The following B3GALT1 variants were observed in gnomAD, a reference collection of about 807,000 sequenced individuals.
The protein encoded by B3GALT1 is beta-1,3-galactosyltransferase 1, also known as UDP-Gal:betaGlcNAc beta 1,3-galactosyltransferase, polypeptide 1.
A neutral mutation model predicts 23.2 loss-of-function variants in B3GALT1; 10 were observed. The ratio of observed to expected loss-of-function variants is 0.43; its 90% CI spans 0.27 to 0.73. The LOEUF (loss-of-function observed/expected upper bound fraction) is 0.73. Ranked by LOEUF, B3GALT1 falls within the 30% of genes least tolerant of loss-of-function variation. B3GALT1 has a pLI of 0.21. For synonymous variants in B3GALT1, 156 were observed against 141.5 expected (o/e 1.10, Z -0.73); for missense variants, 299 against 405.4 (o/e 0.74, Z 2.25).
chr2:167,364,453 G>T (rs1376132140), intron 1 of B3GALT1, among the ~76,000 whole-genome samples: 2 of 151,494 alleles, frequency 1.3e-5, no homozygotes, highest in Admixed American at 1.3e-4. Context: ...CCATTAACTT[G>T]TCATAGGTAT....
chr2:167,440,388 A>T (rs1317220501), intron 1 of B3GALT1, among the ~76,000 whole-genome samples: 1 of 151,780 alleles, frequency 6.6e-6, no homozygotes, highest in Admixed American at 6.6e-5. Context: ...ATGTTCATAA[A>T]CCCTAACATT....
chr2:167,550,075 C>T (rs1472964622), intron 2 of B3GALT1, among the ~76,000 whole-genome samples: 1 of 152,168 alleles, frequency 6.6e-6, no homozygotes, highest in East Asian at 1.9e-4. Context: ...ATGTACTTAG[C>T]TTATCACTAA....
intron 3 of B3GALT1, among the ~76,000 whole-genome samples, chr2:167,670,719 C>T (rs912838152): frequency 2.0e-5 from 3 of 151,770 alleles, no homozygotes; most frequent in African/African-American, 7.3e-5. Context: ...GAAAAAGAAC[C>T]AAACAGAAAT....
chr2:167,457,516 A>G (rs946552237), intron 1 of B3GALT1, among the ~76,000 whole-genome samples: 1 of 151,774 alleles, frequency 6.6e-6, no homozygotes, highest in Non-Finnish European at 1.5e-5. Flanking sequence ...TCCTTGTTTT[A>G]TATTTACAAG....
chr2:167,731,603 CT>C (rs1166523652), intron 3 of B3GALT1, among the ~76,000 whole-genome samples: 1 of 152,184 alleles, frequency 6.6e-6, no homozygotes, highest in East Asian at 1.9e-4. Context: ...ATATCTTTTT[CT>C]TCAAAATGCT....
At chr2:167,395,488 A>G (rs1293059871) in intron 1 of B3GALT1, among the ~76,000 whole-genome samples, 1 of 152,128 alleles carries the variant, frequency 6.6e-6, no homozygotes, top group Non-Finnish European at 1.5e-5. Flanking sequence ...TGGAAAAGGC[A>G]AGGAAACTGA....
Position 167,871,241 on chromosome 2 carries a change from T to TA in B3GALT1, c.*1227dup, listed in dbSNP as rs1353792822. 6.6e-6 allele frequency: 1 copy of TA among 152,148 alleles called. No homozygotes were observed. The highest frequency in any genetic ancestry group is 1.5e-5 in the Non-Finnish European group (1 of 68,028). 9.4% of individuals were successfully genotyped at this position (152,148 alleles called of 1,614,324 possible). On this transcript the variant is annotated 3_prime_UTR_variant, in exon 5 of 5. Transcript: ENST00000392690. ...ATGTGTTCATTTATAAAAATGGCTG[T>TA]AAAAAACACCTACCTCACAGGTGCT...
chr2:167,543,052 GT>G (rs1449561631), intron 2 of B3GALT1, among the ~76,000 whole-genome samples: 1 of 151,896 alleles, frequency 6.6e-6, no homozygotes, highest in East Asian at 1.9e-4. Flanking sequence ...TGATTTATAG[GT>G]TTTTGTTTAG....
intron 3 of B3GALT1, chr2:167,715,902 A>T (rs1424532502): frequency 6.2e-7 from 1 of 1,613,516 alleles, no homozygotes; most frequent in East Asian, 2.2e-5. Context: ...AAAAAGGAGA[A>T]CAACAAAAAA....
At chr2:167,684,202 A>G (rs1686580333) in intron 3 of B3GALT1, among the ~76,000 whole-genome samples, 1 of 152,194 alleles carries the variant, frequency 6.6e-6, no homozygotes, top group Admixed American at 6.5e-5. Context: ...CAGTATCTAG[A>G]AAAGAGCCTC....
intron 1 of B3GALT1, among the ~76,000 whole-genome samples, chr2:167,334,752 A>G (rs539230790): frequency 6.6e-6 from 1 of 152,180 alleles, no homozygotes; most frequent in African/African-American, 2.4e-5. Flanking sequence ...GAACACAGAG[A>G]TGTTTTAACA....
At chr2:167,608,177 C>T (rs1684998772) in intron 2 of B3GALT1, among the ~76,000 whole-genome samples, 1 of 151,998 alleles carries the variant, frequency 6.6e-6, no homozygotes. Context: ...GTACCTGAGA[C>T]AAAAGAAAGA....
At chr2:167,406,294 A>G (rs1434523970) in intron 1 of B3GALT1, among the ~76,000 whole-genome samples, 1 of 152,194 alleles carries the variant, frequency 6.6e-6, no homozygotes, top group Non-Finnish European at 1.5e-5. Flanking sequence ...TGGTTCCAAA[A>G]TGGCAGTATA....
intron 3 of B3GALT1, among the ~76,000 whole-genome samples, chr2:167,701,506 G>C (rs1449147231): frequency 6.6e-6 from 1 of 152,152 alleles, no homozygotes; most frequent in East Asian, 1.9e-4. Flanking sequence ...TACTCTCTAA[G>C]TGCATCAGCA....
At chr2:167,306,399 A>G (rs1400309420) in intron 1 of B3GALT1, among the ~76,000 whole-genome samples, 2 of 152,070 alleles carry the variant, frequency 1.3e-5, no homozygotes, top group Non-Finnish European at 2.9e-5. Flanking sequence ...AATTATAAAT[A>G]TGTTGTAAAA....
chr2:167,468,728 C>T (rs1161303094), intron 1 of B3GALT1, among the ~76,000 whole-genome samples: 3 of 152,058 alleles, frequency 2.0e-5, no homozygotes, highest in Non-Finnish European at 4.4e-5. Flanking sequence ...AAAAATTAGC[C>T]GGGCATTGTG....
intron 1 of B3GALT1, among the ~76,000 whole-genome samples, chr2:167,326,846 C>T (rs1050087333): frequency 6.6e-6 from 1 of 152,012 alleles, no homozygotes; most frequent in African/African-American, 2.4e-5. Flanking sequence ...TTCACCACAA[C>T]ACCCGGCTAA....
intron 2 of B3GALT1, among the ~76,000 whole-genome samples, chr2:167,637,466 TC>T (rs1685576567): frequency 6.6e-6 from 1 of 152,012 alleles, no homozygotes; most frequent in South Asian, 2.1e-4. Flanking sequence ...ATTTGCAGTA[TC>T]CATCACCCTC....
At chr2:167,669,154 T>G (rs12623775) in intron 3 of B3GALT1, among the ~76,000 whole-genome samples, 5 of 152,218 alleles carry the variant, frequency 3.3e-5, no homozygotes, top group Admixed American at 2.6e-4. Flanking sequence ...AAGAACAGAA[T>G]TGAATGAAGA....
Sources: gnomAD v4.1 joint callset for allele counts (sites outside exome capture counted in the v4.1 genomes callset) on GRCh38, gnomAD v4.1.1 for gene constraint, MANE v1.5 for transcripts, NCBI Gene and HGNC (gene_info 2026-07-23, HGNC 2026-07-21) for gene names.